APLP2: variants seen among roughly 807,000 people sequenced by gnomAD.
The protein encoded by APLP2 is CDEI box-binding protein.
A neutral mutation model predicts 89.9 loss-of-function variants in APLP2; 53 were observed. That is an observed-to-expected ratio of 0.59 (90% CI 0.47 to 0.74). The LOEUF is 0.74. Ranked by LOEUF, APLP2 falls within the 30% of genes least tolerant of loss-of-function variation. The pLI, the probability that APLP2 is intolerant of heterozygous loss-of-function variation, is 0.00. For missense variants in APLP2, 973 were observed against 975.9 expected (o/e 1.00, Z 0.04); for synonymous variants, 372 against 348.6 (o/e 1.07, Z -0.75).
chr11:130,143,216 G>A, intron 16 of APLP2, 131 bp from the exon 17 acceptor site: 1 of 778,934 alleles, frequency 1.3e-6, no homozygotes, highest in Non-Finnish European at 2.2e-6. Context: ...CATTTGGCCT[G>A]TCCGGTGGGA....
At chr11:130,111,671 A>G (rs1358966792) in intron 3 of APLP2, among the ~76,000 whole-genome samples, 1 of 152,154 alleles carries the variant, frequency 6.6e-6, no homozygotes, top group Non-Finnish European at 1.5e-5. Context: ...GTGAGGAGCA[A>G]GAGGGGCGTC....
At chr11:130,122,748 G>A (rs774583341) in intron 6 of APLP2, among the ~76,000 whole-genome samples, 3 of 152,186 alleles carry the variant, frequency 2.0e-5, no homozygotes, top group Admixed American at 1.3e-4. Flanking sequence ...GGACTAGAGA[G>A]TAAGAGAGAC....
chr11:130,086,081 T>C (rs1944065135), intron 1 of APLP2, among the ~76,000 whole-genome samples: 1 of 152,264 alleles, frequency 6.6e-6, no homozygotes, highest in Admixed American at 6.5e-5. Flanking sequence ...CTGGATCATA[T>C]AGTAATTCTG....
chr11:130,099,782 G>T (rs973681156), intron 1 of APLP2, among the ~76,000 whole-genome samples: 1 of 152,310 alleles, frequency 6.6e-6, no homozygotes, highest in South Asian at 2.1e-4. Context: ...GGACTTTGTG[G>T]CCTCTTCCCT....
chr11:130,133,633 T>A lies in APLP2; in HGVS notation c.1589T>A (p.Met530Lys). 7 of 1,613,712 alleles carry A rather than the reference T, an allele frequency of 4.3e-6. No homozygotes were observed. The highest frequency in any genetic ancestry group is 5.9e-6 in the Non-Finnish European group (7 of 1,179,592). Residue 530 changes from methionine (M) to lysine (K), a missense_variant, in exon 12 of 17, where the codon ATG (methionine) becomes AAG (lysine). Physicochemically the swap from Met to Lys is moderately conservative, Grantham distance 95 (BLOSUM62 -1). Coordinates refer to ENST00000338167, the MANE Select transcript of APLP2 (RefSeq NM_001142276.2). ...CCACCATAACTCTGCTTCCAGGTGA[T>A]GACACATCTCCACGTGATTGAAGAA... ...EKAAQMKSQV[M>K]THLHVIEERR...
intron 1 of APLP2, among the ~76,000 whole-genome samples, chr11:130,098,398 C>T (rs1196960681): frequency 3.4e-5 from 5 of 147,170 alleles, no homozygotes; most frequent in South Asian, 2.1e-4. Flanking sequence ...AGGGAGACTC[C>T]GTCTCAAAAA....
intron 1 of APLP2, among the ~76,000 whole-genome samples, chr11:130,104,825 A>G (rs1947437612): frequency 6.6e-6 from 1 of 152,142 alleles, no homozygotes; most frequent in African/African-American, 2.4e-5. Flanking sequence ...GTTGGGTTTA[A>G]CTGAGGTGTT....
chr11:130,117,439 A>C (rs1275466029), intron 3 of APLP2, among the ~76,000 whole-genome samples: 1 of 150,950 alleles, frequency 6.6e-6, no homozygotes, highest in African/African-American at 2.4e-5. Context: ...TGTTTGCTTC[A>C]TCTCCATCTT....
intron 1 of APLP2, chr11:130,070,509 C>G (rs578105270): frequency 1.2e-5 from 15 of 1,226,022 alleles, no homozygotes; most frequent in Admixed American, 4.4e-5. Flanking sequence ...CGTACGCTCC[C>G]TCGCGCGGCA....
At chr11:130,122,737 G>A (rs574243004) in intron 6 of APLP2, among the ~76,000 whole-genome samples, 3 of 152,228 alleles carry the variant, frequency 2.0e-5, no homozygotes, top group Non-Finnish European at 4.4e-5. Flanking sequence ...TTAGAGAACG[G>A]GGACTAGAGA....
intron 16 of APLP2, 84 bp from the exon 17 acceptor site, chr11:130,143,263 T>C: frequency 1.6e-6 from 2 of 1,266,078 alleles, no homozygotes; most frequent in Non-Finnish European, 2.3e-6. Flanking sequence ...CAGGGGATTG[T>C]GCAGCAAATG....
chr11:130,104,508 G>C (rs192314650), intron 1 of APLP2, among the ~76,000 whole-genome samples: 144 of 152,162 alleles, frequency 9.5e-4, no homozygotes, highest in African/African-American at 3.4e-3. Flanking sequence ...GTGAGCCACC[G>C]TGCCGGGCTT....
rs140265058 is a variant in APLP2 at position 130,113,923 on chromosome 11, A to G, written c.403+3262A>G. Reference sequence around the variant, plus strand: ...TTTGATCAATGTGGTAAAAAATCTTATTCTCCCTTCCCAGTACCCCTCACA... The same window carrying G: ...TTTGATCAATGTGGTAAAAAATCTTGTTCTCCCTTCCCAGTACCCCTCACA... On this transcript the variant is annotated intron_variant, in intron 3 of 16. Coordinates refer to ENST00000338167, the MANE Select transcript of APLP2 (RefSeq NM_001142276.2). Among the ~76,000 whole-genome samples the G allele has an allele frequency of 2.5e-3, 381 of 152,246 alleles. 2 individuals are homozygous for G. Among genetic ancestry groups the G allele is most frequent in the African/African-American group, 8.6e-3 (356 of 41,540 alleles).
Position 130,143,443 on chromosome 11 carries a change from A to G in APLP2, c.2251A>G (p.Ile751Val), listed in dbSNP as rs772107391. Residue 751 changes from isoleucine to valine, a missense_variant, in exon 17 of 17, where the codon ATT becomes GTT. Coordinates refer to ENST00000338167, the MANE Select transcript of APLP2 (RefSeq NM_001142276.2). ...CTACAAATACCTGGAGCAGATGCAG[A>G]TTTAGGTGGCAGGGAGCGCGGCAGC... ...PTYKYLEQMQ[I>V] 58 of 1,613,634 alleles carry G rather than the reference A, an allele frequency of 3.6e-5. No homozygotes were observed. In the Admixed American group the frequency reaches 9.3e-4, roughly 26 times the overall value.
Position 130,141,946 on chromosome 11 carries a change from T to A in APLP2, c.2026T>A (p.Phe676Ile), listed in dbSNP as rs138411022. 39 of 1,611,114 alleles carry A rather than the reference T, an allele frequency of 2.4e-5. No individual in the cohort carries two copies. The highest frequency in any genetic ancestry group is 3.2e-5 in the Non-Finnish European group (38 of 1,177,658). Reference protein sequence around the residue: ...RESVGPLREDFSLSSSALIGL... With the variant: ...RESVGPLREDISLSSSALIGL... The stretch of plus-strand genomic sequence containing the variant: ...ATCCGTGGGCCCACTGCGGGAGGAC[T>A]TCAGTCTGAGTAGCAGTGCTCTCAT... Residue 676 changes from phenylalanine to isoleucine, a missense_variant, in exon 16 of 17, where the codon TTC becomes ATC. Phe to Ile is a conservative substitution (Grantham distance 21). Coordinates refer to ENST00000338167, the MANE Select transcript of APLP2 (RefSeq NM_001142276.2). The surrounding 1 kb of genome is among the most constrained non-coding windows in gnomAD (Gnocchi z 4.2).
chr11:130,070,221 G>T (rs1940636746), intron 1 of APLP2, 139 bp downstream of exon 1: 2 of 379,632 alleles, frequency 5.3e-6, no homozygotes, highest in Non-Finnish European at 8.1e-6. Context: ...GGTCTGGCGC[G>T]CCCTCCCCCG....
chr11:130,077,608 G>T (rs1942354107), intron 1 of APLP2, among the ~76,000 whole-genome samples: 1 of 135,892 alleles, frequency 7.4e-6, no homozygotes, highest in African/African-American at 3.2e-5. Flanking sequence ...GTATGTTTTA[G>T]CCTTAAAAAA....
rs1394251738 is a variant in APLP2 at position 130,094,460 on chromosome 11, A to G, written c.106-14969A>G. On this transcript the variant is annotated intron_variant, in intron 1 of 16. Coordinates refer to ENST00000338167, the MANE Select transcript of APLP2 (RefSeq NM_001142276.2). ...CACCTCGGCCTCCCAAAGTGCTGGG[A>G]TTACAGACGTGAGCCACCGCACCTG... Among the ~76,000 whole-genome samples, 4 of 152,280 alleles carry G rather than the reference A, an allele frequency of 2.6e-5. No individual in the cohort carries two copies. The East Asian group carries it at 7.7e-4, about 29-fold the overall frequency.
intron 3 of APLP2, among the ~76,000 whole-genome samples, chr11:130,113,102 A>G (rs777273967): frequency 6.6e-6 from 1 of 152,192 alleles, no homozygotes; most frequent in Non-Finnish European, 1.5e-5. Flanking sequence ...ATGATTGTTC[A>G]TAGACCTTTC....
Sources: gnomAD v4.1 joint callset for allele counts (sites outside exome capture counted in the v4.1 genomes callset) on GRCh38, gnomAD v4.1.1 for gene constraint, Gnocchi (gnomAD v3.1) non-coding constraint, MANE v1.5 for transcripts, NCBI Gene and HGNC (gene_info 2026-07-23, HGNC 2026-07-21) for gene names.